Variants in VWCE observed in about 807,000 individuals in gnomAD.
VWCE encodes the protein von Willebrand factor C and EGF domain-containing protein.
In VWCE, 68 loss-of-function variants were observed where a neutral mutation model predicts 102.9. The ratio of observed to expected loss-of-function variants is 0.66; its 90% CI spans 0.54 to 0.81. The LOEUF (loss-of-function observed/expected upper bound fraction) is 0.81, where lower values mean the gene tolerates loss of function less well. Among genes scored for constraint, VWCE ranks in the 30% least tolerant of loss-of-function variants. The probability of loss-of-function intolerance (pLI) is 0.00; values close to 1 mark genes in which losing one functional copy is unlikely to be tolerated. For missense variants in VWCE, 1,137 were observed against 1,263.6 expected (o/e 0.90, Z 1.52); for synonymous variants, 497 against 515.4 (o/e 0.96, Z 0.48).
At position 61,276,593 on chromosome 11, in the gene VWCE, C is replaced by G. The variant is rs370921523; in HGVS notation, c.1495G>C (p.Val499Leu). Residue 499 changes from valine to leucine, a missense_variant and splice_region_variant, in exon 11 of 20, where the codon GTG becomes CTG. Val to Leu is a conservative substitution (Grantham distance 32). Coordinates refer to ENST00000335613, the MANE Select transcript of VWCE (RefSeq NM_152718.2). ...PQTDCCTCVP[V>L]RCYFHGRWYA... ...AAAATGCTCCAAGAGTGTCACTTAC[C>G]TGGAACACAAGTACAGCAATCCGTC... 4.2e-5 allele frequency: 66 copies of G among 1,568,820 alleles called. No homozygotes were observed. The highest frequency in any genetic ancestry group is 5.3e-5 in the Non-Finnish European group (62 of 1,161,132).
chr11:61,281,708 A>C, intron 7 of VWCE, 78 bp downstream of exon 7: 1 of 1,382,860 alleles, frequency 7.2e-7, no homozygotes, highest in East Asian at 2.7e-5. Context: ...GGGAGGGGCC[A>C]GGCTATGGGG....
chr11:61,274,663 G>A (rs1854849425), intron 11 of VWCE, 79 bp from the exon 12 acceptor site: 4 of 1,313,776 alleles, frequency 3.0e-6, no homozygotes, highest in South Asian at 2.5e-5. Context: ...AATGGGTAGG[G>A]AGCCCCGGGG....
intron 10 of VWCE, 92 bp from the exon 11 acceptor site, chr11:61,276,772 G>C: frequency 5.2e-6 from 5 of 953,822 alleles, no homozygotes; most frequent in Non-Finnish European, 7.1e-6. Context: ...CAGGAAAGCT[G>C]CCTAAAGGAG....
At chr11:61,270,249 C>T (rs763377332) in intron 14 of VWCE, among the ~76,000 whole-genome samples, 10 of 152,130 alleles carry the variant, frequency 6.6e-5, no homozygotes, top group Non-Finnish European at 1.3e-4. Flanking sequence ...AACGGCTCAT[C>T]GAAGGCACTA....
chr11:61,273,288 G>A lies in VWCE; in HGVS notation c.1610C>T (p.Pro537Leu), dbSNP rs200475251. ...QNGEVECSFM[P>L]CPELACPREE... ...TCGGGGGCAGGCCAGCTCAGGGCAG[G>A]GCATGAAGGAGCACTCCACCTCCCC... The change falls in exon 13 of 20, where the codon CCC (proline) becomes CTC (leucine). Residue 537 changes from proline to leucine, a missense_variant. By Grantham distance (98) the Pro-to-Leu change is moderately conservative. Around this residue, in one of 5 missense-constraint regions of VWCE, gnomAD observed 212 missense variants for 235.1 expected, o/e 0.90. Transcript: ENST00000335613. The A allele has an allele frequency of 1.8e-4, 298 of 1,613,262 alleles. No homozygotes were observed. Among genetic ancestry groups the A allele is most frequent in the Non-Finnish European group, 2.4e-4 (283 of 1,179,584 alleles).
At position 61,281,228 on chromosome 11, in the gene VWCE, C is replaced by T. The variant is rs1409385619; in HGVS notation, c.795G>A (p.Pro265=). ...TGGCAGATGGGGCCAGCACGGCTTTCGGGAAAGCTGAAACAGAAGCACGGA... is the reference window on the plus strand; with the variant it reads ...TGGCAGATGGGGCCAGCACGGCTTTTGGGAAAGCTGAAACAGAAGCACGGA... ...RADRVSCEAF[P]KAVLAPSAIL... is the part of the protein sequence containing the mutation. Residue 265 remains proline, a synonymous_variant, in exon 8 of 20, where the codon CCG becomes CCA. Transcript: ENST00000335613. 6.8e-6 allele frequency: 11 copies of T among 1,612,364 alleles called. No homozygotes were observed. Among genetic ancestry groups the T allele is most frequent in the South Asian group, 6.6e-5 (6 of 90,994 alleles).
In VWCE at chr11:61,271,678, G is replaced by C. The variant is rs763024533; in HGVS notation, c.1782C>G (p.Cys594Trp). Reference protein sequence around the residue: ...SPGDPCELCICQADGSVSCKR... With the variant: ...SPGDPCELCIWQADGSVSCKR... ...AGGCGAGCAGGTTGTCATTCACCTG[G>C]CAGATGCATAACTCACAGGGGTCAC... Residue 594 changes from cysteine to tryptophan, a missense_variant, in exon 14 of 20, where the codon TGC becomes TGG. Around this residue, in one of 5 missense-constraint regions of VWCE, gnomAD observed 212 missense variants for 235.1 expected, o/e 0.90. Coordinates refer to ENST00000335613, the MANE Select transcript of VWCE (RefSeq NM_152718.2). The C allele has an allele frequency of 6.2e-7, 1 of 1,611,998 alleles. No homozygotes were observed. The highest frequency in any genetic ancestry group is 1.1e-5 in the South Asian group (1 of 90,552).
intron 19 of VWCE, among the ~76,000 whole-genome samples, chr11:61,263,303 C>CAA (rs763833059): frequency 1.4e-4 from 10 of 70,254 alleles, no homozygotes; most frequent in South Asian, 4.3e-4. Flanking sequence ...TGAGAATCCT[C>CAA]AAAAAAAAAA....
chr11:61,281,066 T>G lies in VWCE; in HGVS notation c.957A>C (p.Pro319=). The G allele has an allele frequency of 6.2e-7, 1 of 1,601,686 alleles. No homozygotes were observed. Among genetic ancestry groups the G allele is most frequent in the Non-Finnish European group, 8.5e-7 (1 of 1,173,510 alleles). The change falls in exon 8 of 20, where the codon CCA becomes CCC. Residue 319 remains proline, a synonymous_variant. Coordinates refer to ENST00000335613, the MANE Select transcript of VWCE (RefSeq NM_152718.2). ...ATGTGGGTAGTCGTGGGGTGGGAGA[T>G]GGCAGGCGGGTGGTCCTGACTCCGG... ...PPAGVRTTRL[P]SPTPRLPTSS...
chr11:61,290,015 T>A (rs1316597348), intron 4 of VWCE, among the ~76,000 whole-genome samples: 1 of 152,212 alleles, frequency 6.6e-6, no homozygotes, highest in Non-Finnish European at 1.5e-5. Flanking sequence ...AAGCAAATAA[T>A]ACATTCACAA....
At chr11:61,260,611 T>G (rs980471683) in intron 19 of VWCE, among the ~76,000 whole-genome samples, 11 of 152,176 alleles carry the variant, frequency 7.2e-5, no homozygotes, top group Non-Finnish European at 1.2e-4. Flanking sequence ...ATGCATTTAA[T>G]ACAGCTCACT....
At chr11:61,292,836 C>T (rs1427456748) in intron 1 of VWCE, among the ~76,000 whole-genome samples, 1 of 151,962 alleles carries the variant, frequency 6.6e-6, no homozygotes, top group Non-Finnish European at 1.5e-5. Flanking sequence ...GGAAGGGCAG[C>T]ATCTAGGCTG....
At chr11:61,284,700 C>A (rs1855257182) in intron 5 of VWCE, among the ~76,000 whole-genome samples, 1 of 152,130 alleles carries the variant, frequency 6.6e-6, no homozygotes, top group Admixed American at 6.5e-5. Flanking sequence ...GTAATCCCAG[C>A]ACTTCAGGAG....
At chr11:61,275,260 G>T (rs1431333813) in intron 11 of VWCE, among the ~76,000 whole-genome samples, 1 of 152,188 alleles carries the variant, frequency 6.6e-6, no homozygotes, top group East Asian at 1.9e-4. Context: ...GAGAGGCTTT[G>T]ATTTGAAGAT....
intron 9 of VWCE, among the ~76,000 whole-genome samples, chr11:61,279,026 A>G (rs1426473361): frequency 6.6e-6 from 1 of 151,948 alleles, no homozygotes; most frequent in Non-Finnish European, 1.5e-5. Context: ...GTGACAAAGC[A>G]ACACTCCGTC....
intron 10 of VWCE, among the ~76,000 whole-genome samples, chr11:61,277,792 A>C (rs1470171855): frequency 6.6e-6 from 1 of 151,988 alleles, no homozygotes; most frequent in Non-Finnish European, 1.5e-5. Flanking sequence ...GAAAGAGATG[A>C]GAAGCACCAA....
At chr11:61,273,370 A>G (rs1854796247) in intron 12 of VWCE, 54 bp from the exon 13 acceptor site, 4 of 1,524,578 alleles carry the variant, frequency 2.6e-6, no homozygotes, top group Non-Finnish European at 3.5e-6. Context: ...CCTGGGGACC[A>G]TGGAGAGCTA....
intron 2 of VWCE, 29 bp downstream of exon 2, chr11:61,291,453 A>C (rs1232851633): frequency 6.4e-7 from 1 of 1,561,030 alleles, no homozygotes; most frequent in South Asian, 1.2e-5. Context: ...CTGGAGGAGA[A>C]GACTTGGGGC....
In VWCE at chr11:61,282,042, G is replaced by A. The variant is rs909131977; in HGVS notation, c.659-128C>T. The A allele has an allele frequency of 3.4e-5, 47 of 1,392,012 alleles. No individual in the cohort carries two copies. In the African/African-American group the frequency reaches 6.4e-4, roughly 19 times the overall value. The allele number at this position is 1,392,012 out of a possible 1,614,324, so 86.2% of individuals were successfully genotyped here. A position where few individuals can be genotyped will look rare whatever the true frequency, so the allele number is the denominator to read the frequency against. On this transcript the variant is annotated intron_variant, in intron 6 of 19. Coordinates refer to ENST00000335613, the MANE Select transcript of VWCE (RefSeq NM_152718.2). ...TTCTTACAGGGTCCATGCCTGCCCC[G>A]AGGTGCGGGATGTGACTCAGACAGC...
Sources: gnomAD v4.1 joint callset for allele counts (sites outside exome capture counted in the v4.1 genomes callset) on GRCh38, gnomAD v4.1.1 for gene constraint, gnomAD v4.1.1 regional missense constraint, MANE v1.5 for transcripts, NCBI Gene and HGNC (gene_info 2026-07-23, HGNC 2026-07-21) for gene names.